Variants in ANGPT2 observed in about 807,000 individuals in gnomAD.
ANGPT2 encodes angiopoietin-2.
In ANGPT2, 28 loss-of-function variants were observed where a neutral mutation model predicts 62.9. The observed-to-expected ratio is 0.44, with a 90% confidence interval of 0.33 to 0.61. The LOEUF is 0.61. ANGPT2 is among the 20% of genes least tolerant of loss of function. The pLI, the probability that ANGPT2 is intolerant of heterozygous loss-of-function variation, is 0.03. For missense variants in ANGPT2, 727 were observed against 594.9 expected (o/e 1.22, Z -2.31); for synonymous variants, 284 against 207.8 (o/e 1.37, Z -3.15).
intron 2 of ANGPT2, 66 bp downstream of exon 2, chr8:6,532,266 C>A: frequency 6.3e-7 from 1 of 1,588,938 alleles, no homozygotes; most frequent in Non-Finnish European, 8.6e-7. Flanking sequence ...TGAGGAAGCT[C>A]CTGACGCGAC....
intron 1 of ANGPT2, among the ~76,000 whole-genome samples, chr8:6,547,757 C>G (rs776415100): frequency 1.3e-5 from 2 of 152,076 alleles, no homozygotes; most frequent in African/African-American, 4.8e-5. Context: ...CTGACTCACT[C>G]GGTGGGAACA....
chr8:6,517,148 C>G (rs937708187), intron 5 of ANGPT2, among the ~76,000 whole-genome samples: 1 of 152,182 alleles, frequency 6.6e-6, no homozygotes, highest in African/African-American at 2.4e-5. Flanking sequence ...TTGATTATAT[C>G]AGGATCAGCA....
intron 2 of ANGPT2, among the ~76,000 whole-genome samples, chr8:6,531,293 C>CTTTT (rs112161330): frequency 1.4e-5 from 2 of 142,378 alleles, no homozygotes; most frequent in African/African-American, 2.6e-5. Flanking sequence ...TTCTTTCTTT[C>CTTTT]TTTTTTTTTT....
chr8:6,544,578 T>C (rs1002768256), intron 1 of ANGPT2, among the ~76,000 whole-genome samples: 23 of 152,328 alleles, frequency 1.5e-4, no homozygotes, highest in Non-Finnish European at 2.9e-4. Flanking sequence ...GGTGTGTCAT[T>C]CATGTATTGG....
chr8:6,513,910 A>C, intron 6 of ANGPT2, 66 bp from the exon 7 acceptor site: 4 of 1,424,228 alleles, frequency 2.8e-6, no homozygotes, highest in Non-Finnish European at 2.9e-6. Flanking sequence ...TGAAGTGGAT[A>C]GTCCGTCAAC....
chr8:6,511,726 A>G (rs538125552), intron 7 of ANGPT2, among the ~76,000 whole-genome samples: 92 of 152,308 alleles, frequency 6.0e-4, no homozygotes, highest in Non-Finnish European at 1.1e-3. Context: ...CTTTAAACCA[A>G]TGTGTGTGTT....
At chr8:6,503,440 T>G (rs1812604152) in intron 8 of ANGPT2, among the ~76,000 whole-genome samples, 179 bp from the exon 9 acceptor site, 1 of 152,178 alleles carries the variant, frequency 6.6e-6, no homozygotes, top group South Asian at 2.1e-4. Context: ...CATACACCCA[T>G]GACATCACAG....
At chr8:6,504,960 C>A (rs2515407) in intron 8 of ANGPT2, among the ~76,000 whole-genome samples, 64,051 of 151,314 alleles carry the variant, frequency 0.42, 14,014 homozygotes, top group Middle Eastern at 0.52. Context: ...TAAATCTCAA[C>A]AACACTGTGT....
chr8:6,502,978 G>C lies in ANGPT2; in HGVS notation c.*123C>G. On this transcript the variant is annotated 3_prime_UTR_variant, in exon 9 of 9. Transcript: ENST00000629816. ...CTCTAATCTGGAGCATGTGGGTCCCGTCAGCACCGAGCACACGCCCTCTGT... is the reference window on the plus strand; with the variant it reads ...CTCTAATCTGGAGCATGTGGGTCCCCTCAGCACCGAGCACACGCCCTCTGT... 1 of 1,178,728 alleles carries C rather than the reference G, an allele frequency of 8.5e-7. No individual in the cohort carries two copies. The highest frequency in any genetic ancestry group is 1.2e-6 in the Non-Finnish European group (1 of 828,388). The allele number at this position is 1,178,728 out of a possible 1,614,324, so 73.0% of individuals were successfully genotyped here.
chr8:6,503,911 T>C (rs1798943657), intron 8 of ANGPT2, among the ~76,000 whole-genome samples: 1 of 152,200 alleles, frequency 6.6e-6, no homozygotes, highest in African/African-American at 2.4e-5. Flanking sequence ...TGCTGGGGTT[T>C]GTGAGAGAAA....
rs1044047837 is a variant in ANGPT2 at position 6,515,227 on chromosome 8, G to A, written c.928-449C>T. Among the ~76,000 whole-genome samples the A allele has an allele frequency of 2.6e-5, 4 of 152,110 alleles. 1 individual carries two copies. The South Asian group carries it at 6.2e-4, about 24-fold the overall frequency. On this transcript the variant is annotated intron_variant, in intron 5 of 8. Coordinates refer to ENST00000629816, the MANE Select transcript of ANGPT2 (RefSeq NM_001118887.2). The stretch of plus-strand genomic sequence containing the variant: ...AAATGCCAGCCCCTGCCCCTCCACA[G>A]AGAGCTATGTGAAGGGGATACTCTT...
At chr8:6,539,190 G>T (rs950426418) in intron 1 of ANGPT2, among the ~76,000 whole-genome samples, 3 of 152,312 alleles carry the variant, frequency 2.0e-5, no homozygotes, top group Middle Eastern at 3.4e-3. Context: ...CCAGAGCCTG[G>T]GGGGTAGGCA....
chr8:6,546,209 G>T (rs551334189), intron 1 of ANGPT2, among the ~76,000 whole-genome samples: 146 of 152,306 alleles, frequency 9.6e-4, no homozygotes, highest in African/African-American at 3.3e-3. Flanking sequence ...AGGCACCCTG[G>T]GTCCTTGCAG....
rs1190076536 is a variant in ANGPT2, at chr8:6,502,905, T to TG, written c.*195dup. ...TCACAATTATGGATGTTTAGGGTCT[T>TG]GCTTTGGTCCGTTAAGTGATGCAAG... On this transcript the variant is annotated 3_prime_UTR_variant, in exon 9 of 9. Coordinates refer to ENST00000629816, the MANE Select transcript of ANGPT2 (RefSeq NM_001118887.2). 3.4e-6 allele frequency: 2 copies of TG among 595,594 alleles called. No homozygotes were observed. Among genetic ancestry groups the TG allele is most frequent in the African/African-American group, 3.7e-5 (2 of 53,582 alleles). 36.9% of individuals were successfully genotyped at this position (595,594 alleles called of 1,614,324 possible).
intron 1 of ANGPT2, among the ~76,000 whole-genome samples, chr8:6,556,473 G>A (rs1227440937): frequency 2.0e-5 from 3 of 149,664 alleles, no homozygotes; most frequent in Non-Finnish European, 3.0e-5. Context: ...TCCCTCACAC[G>A]CCTGACTCCC....
intron 8 of ANGPT2, among the ~76,000 whole-genome samples, chr8:6,504,142 C>T (rs1352345320): frequency 6.6e-6 from 1 of 151,880 alleles, no homozygotes; most frequent in Non-Finnish European, 1.5e-5. Context: ...CACGGTGAAA[C>T]CCCGTCTCTA....
intron 1 of ANGPT2, among the ~76,000 whole-genome samples, chr8:6,556,003 C>G (rs572615418): frequency 6.6e-6 from 1 of 152,178 alleles, no homozygotes; most frequent in African/African-American, 2.4e-5. Flanking sequence ...TCTGTCAAGT[C>G]TGCTGTGGGG....
intron 5 of ANGPT2, among the ~76,000 whole-genome samples, chr8:6,515,096 A>T (rs2922901): frequency 0.36 from 55,012 of 151,958 alleles, 10,164 homozygotes; most frequent in Middle Eastern, 0.49. Flanking sequence ...CTGTTTTTTT[A>T]GAGATTCATT....
chr8:6,513,755 G>C lies in ANGPT2; in HGVS notation c.1119C>G (p.His373Gln). The C allele has an allele frequency of 1.9e-6, 3 of 1,613,836 alleles. No homozygotes were observed. Among genetic ancestry groups the C allele is most frequent in the Non-Finnish European group, 2.5e-6 (3 of 1,179,910 alleles). The change falls in exon 7 of 9, where the codon CAC becomes CAG. Residue 373 changes from histidine to glutamine, a missense_variant. Transcript: ENST00000629816. Reference protein sequence around the residue: ...TNQQRYVLKIHLKDWEGNEAY... With the variant: ...TNQQRYVLKIQLKDWEGNEAY... The stretch of plus-strand genomic sequence containing the variant: ...CCTCATTCCCTTCCCAGTCTTTAAG[G>C]TGTATTTTAAGCACATAGCGTTGCT...
Sources: gnomAD v4.1 joint callset for allele counts (sites outside exome capture counted in the v4.1 genomes callset) on GRCh38, gnomAD v4.1.1 for gene constraint, MANE v1.5 for transcripts, NCBI Gene and HGNC (gene_info 2026-07-23, HGNC 2026-07-21) for gene names.